HIVEP1: variants seen among roughly 807,000 people sequenced by gnomAD.
HIVEP1 encodes the protein zinc finger protein 40.
A neutral mutation model predicts 180.0 loss-of-function variants in HIVEP1; 36 were observed. That is an observed-to-expected ratio of 0.20 (90% CI 0.15 to 0.26). HIVEP1 has a LOEUF of 0.26. Among genes scored for constraint, HIVEP1 ranks in the 10% least tolerant of loss-of-function variants. The probability of loss-of-function intolerance (pLI) is 1.00; values close to 1 mark genes in which losing one functional copy is unlikely to be tolerated. For missense variants in HIVEP1, 3,143 were observed against 3,268.7 expected (o/e 0.96, Z 0.94); for synonymous variants, 1,239 against 1,239.0 (o/e 1.00, Z 0.00).
chr6:12,046,755 G>GT (rs1051676830), intron 2 of HIVEP1, among the ~76,000 whole-genome samples: 3 of 151,328 alleles, frequency 2.0e-5, no homozygotes, highest in African/African-American at 4.9e-5. Context: ...CTTCAGCCTG[G>GT]TGACAGAGCG....
At chr6:12,209,663 A>G in the HIVEP1 span, among the ~76,000 whole-genome samples, 3 of 152,186 alleles carry the variant, frequency 2.0e-5, no homozygotes, top group Non-Finnish European at 4.4e-5. Flanking sequence ...TCATCATAAT[A>G]CTTAATGTGA....
In HIVEP1 at chr6:12,164,467, TTTA is replaced by T. The variant is rs1329798266; in HGVS notation, c.*9_*11del. On this transcript the variant is annotated 3_prime_UTR_variant, in exon 9 of 9. Transcript: ENST00000379388. Reference sequence around the variant, plus strand: ...GGCTTGTGATAGCAACCTGATGGATTTTATTTTTTATTTGCTTTTTTTTTATAT... The same window carrying T: ...GGCTTGTGATAGCAACCTGATGGATTTTTTTTATTTGCTTTTTTTTTATAT... 1 of 1,567,242 alleles carries T rather than the reference TTTA, an allele frequency of 6.4e-7. No individual in the cohort carries two copies. The highest frequency in any genetic ancestry group is 8.6e-7 in the Non-Finnish European group (1 of 1,161,808).
In HIVEP1 at chr6:12,124,491, G is replaced by A. The variant is rs1216384882; in HGVS notation, c.4696G>A (p.Val1566Ile). The change falls in exon 4 of 9, where the codon GTT becomes ATT. Residue 1566 changes from valine to isoleucine, a missense_variant. By Grantham distance (29) the Val-to-Ile change is conservative. This residue lies in a region of HIVEP1 where 1,357 missense variants were observed against 1,260.5 expected (regional missense o/e 1.08). Coordinates refer to ENST00000379388, the MANE Select transcript of HIVEP1 (RefSeq NM_002114.4). ...TCCCAAATACCAATTGCATTGTCAGGTTTTCACTTCAGGCCCATCTTGCTC... is the reference window on the plus strand; with the variant it reads ...TCCCAAATACCAATTGCATTGTCAGATTTTCACTTCAGGCCCATCTTGCTC... ...FAPKYQLHCQVFTSGPSCSSN... is the reference protein window; with the variant it reads ...FAPKYQLHCQIFTSGPSCSSN... 5 of 1,614,042 alleles carry A rather than the reference G, an allele frequency of 3.1e-6. No homozygotes were observed. Among genetic ancestry groups the A allele is most frequent in the African/African-American group, 1.3e-5 (1 of 74,918 alleles).
intron 2 of HIVEP1, among the ~76,000 whole-genome samples, chr6:12,032,204 G>A (rs905181806): frequency 6.7e-6 from 1 of 148,642 alleles, no homozygotes; most frequent in East Asian, 2.0e-4. Flanking sequence ...GTAGTGGCGC[G>A]ATTTCGGCTC....
At chr6:12,156,092 CG>C (rs555380087) in intron 7 of HIVEP1, among the ~76,000 whole-genome samples, 49 of 152,070 alleles carry the variant, frequency 3.2e-4, no homozygotes, top group Non-Finnish European at 5.3e-4. Flanking sequence ...GCTTTTTAAT[CG>C]GGTTACTTTT....
downstream of HIVEP1, among the ~76,000 whole-genome samples, chr6:12,169,769 G>A (rs1760848567): frequency 6.6e-6 from 1 of 152,186 alleles, no homozygotes; most frequent in South Asian, 2.1e-4. Context: ...AGACAAATGT[G>A]TGCCAGGGAC....
Position 12,015,620 on chromosome 6 carries a change from T to C in HIVEP1, c.-9T>C. On this transcript the variant is annotated 5_prime_UTR_variant, in exon 2 of 9. Coordinates refer to ENST00000379388, the MANE Select transcript of HIVEP1 (RefSeq NM_002114.4). ...TTAAGAAGAAAAAGAAGGCCCTGAG[T>C]CAAAGAAGATGCCTCGAACTAAACA... 4 of 1,613,164 alleles carry C rather than the reference T, an allele frequency of 2.5e-6. No homozygotes were observed. Among genetic ancestry groups the C allele is most frequent in the Non-Finnish European group, 3.4e-6 (4 of 1,179,468 alleles).
At chr6:12,148,221 C>A (rs548798442) in intron 7 of HIVEP1, among the ~76,000 whole-genome samples, 1 of 152,312 alleles carries the variant, frequency 6.6e-6, no homozygotes, top group South Asian at 2.1e-4. Flanking sequence ...CCCAGCAGAA[C>A]AAAGCTAGGG....
rs188578760 is a variant in HIVEP1 at position 12,049,730 on chromosome 6, C to G, written c.40+34062C>G. The stretch of plus-strand genomic sequence containing the variant: ...TTAAAAACAAATTTGTGGATTTCCA[C>G]TAATAAGCTTATACTTTCATGGCAC... On this transcript the variant is annotated intron_variant, in intron 2 of 8. Transcript: ENST00000379388. Among the ~76,000 whole-genome samples, 128 of 152,260 alleles carry G rather than the reference C, an allele frequency of 8.4e-4. 1 individual carries two copies. The highest frequency in any genetic ancestry group is 1.4e-3 in the Non-Finnish European group (95 of 68,030).
At chr6:12,188,601 A>C in the HIVEP1 span, among the ~76,000 whole-genome samples, 3 of 152,246 alleles carry the variant, frequency 2.0e-5, no homozygotes, top group South Asian at 6.2e-4. Flanking sequence ...AGAACTTAAA[A>C]TGACACCACT....
Position 12,125,764 on chromosome 6 carries a change from A to G in HIVEP1, c.5969A>G (p.Asn1990Ser). 1.9e-6 allele frequency: 3 copies of G among 1,614,108 alleles called. No homozygotes were observed. The highest frequency in any genetic ancestry group is 2.5e-6 in the Non-Finnish European group (3 of 1,179,954). ...LPTKVALALL[N>S]SKQNTGKSLY... ...ACAAAAGTTGCACTTGCTCTCCTTA[A>G]TTCAAAACAGAACACTGGAAAATCA... is the stretch of plus-strand genomic sequence containing the variant. Residue 1990 changes from asparagine (N) to serine (S), a missense_variant, in exon 4 of 9, where the codon AAT (asparagine) becomes AGT (serine). Physicochemically the swap from Asn to Ser is conservative, Grantham distance 46 (BLOSUM62 1). Transcript: ENST00000379388.
chr6:12,082,256 G>T (rs922162863), intron 2 of HIVEP1, among the ~76,000 whole-genome samples: 6 of 152,018 alleles, frequency 3.9e-5, no homozygotes, highest in African/African-American at 1.4e-4. Context: ...GAAACCTACA[G>T]TATCATGGCT....
intron 5 of HIVEP1, 70 bp downstream of exon 5, chr6:12,129,962 G>C: frequency 9.2e-7 from 1 of 1,085,780 alleles, no homozygotes; most frequent in Non-Finnish European, 1.4e-6. Flanking sequence ...GCTTTCATGT[G>C]AATGAAGACT....
intron 6 of HIVEP1, among the ~76,000 whole-genome samples, chr6:12,132,393 C>A (rs936334021): frequency 4.6e-5 from 7 of 151,660 alleles, no homozygotes; most frequent in Non-Finnish European, 1.0e-4. Context: ...ACAAGAAGAT[C>A]AAGATACAAT....
chr6:12,010,437 C>T (rs1045429368), upstream of HIVEP1, among the ~76,000 whole-genome samples: 2 of 152,146 alleles, frequency 1.3e-5, no homozygotes, highest in Non-Finnish European at 1.5e-5. Flanking sequence ...ACGATTTCCT[C>T]AGGGGAATTT....
At chr6:12,026,345 A>G (rs896548083) in intron 2 of HIVEP1, among the ~76,000 whole-genome samples, 2 of 152,224 alleles carry the variant, frequency 1.3e-5, no homozygotes, top group African/African-American at 4.8e-5. Flanking sequence ...CTTTCTTCTT[A>G]ACTAAAACCT....
downstream of HIVEP1, chr6:12,165,102 CATTTTTTTT>C (rs1760662750): frequency 1.9e-6 from 1 of 513,280 alleles, no homozygotes; most frequent in Non-Finnish European, 3.9e-6. Context: ...CTCAACCCTT[CATTTTTTTT>C]ATAAACAGAG....
At chr6:12,166,473 A>G (rs904581379), downstream of HIVEP1, among the ~76,000 whole-genome samples, 2 of 152,212 alleles carry the variant, frequency 1.3e-5, no homozygotes, top group African/African-American at 4.8e-5. Context: ...TCAAAATTCA[A>G]TGCATCGTGC....
chr6:12,050,631 C>A (rs1032812114), intron 2 of HIVEP1, among the ~76,000 whole-genome samples: 1 of 151,930 alleles, frequency 6.6e-6, no homozygotes. Flanking sequence ...TCCAGCTGGG[C>A]GACTCCCATC....
Sources: allele counts gnomAD v4.1 joint callset (sites outside exome capture counted in the v4.1 genomes callset), GRCh38; gene constraint gnomAD v4.1.1; regional missense constraint gnomAD v4.1.1; transcripts MANE v1.5; gene names NCBI Gene and HGNC (gene_info 2026-07-23, HGNC 2026-07-21).